Variants in LRRC7 observed in about 807,000 individuals in gnomAD.
The protein encoded by LRRC7 is leucine-rich repeat-containing protein 7.
LRRC7 carries 23 observed loss-of-function variants against 175.7 expected under a neutral mutation model. The observed-to-expected ratio is 0.13, with a 90% confidence interval of 0.09 to 0.19. LRRC7 has a LOEUF of 0.19. LRRC7 is among the 10% of genes least tolerant of loss of function. The probability of loss-of-function intolerance (pLI) is 1.00; values close to 1 mark genes in which losing one functional copy is unlikely to be tolerated. For synonymous variants in LRRC7, 685 were observed against 680.9 expected (o/e 1.01, Z -0.09); for missense variants, 1,354 against 1,904.7 (o/e 0.71, Z 5.38).
intron 26 of LRRC7, among the ~76,000 whole-genome samples, chr1:70,121,536 C>T (rs574689512): frequency 1.3e-5 from 2 of 152,066 alleles, no homozygotes; most frequent in South Asian, 4.2e-4. Flanking sequence ...TGTTATTGAC[C>T]AGGGTATCTT....
intron 11 of LRRC7, among the ~76,000 whole-genome samples, chr1:70,009,146 T>C (rs1656254038): frequency 6.6e-6 from 1 of 152,152 alleles, no homozygotes; most frequent in Non-Finnish European, 1.5e-5. Context: ...AATTATATTA[T>C]TTTCATTAAA....
intron 1 of LRRC7, among the ~76,000 whole-genome samples, chr1:69,586,454 T>A (rs1369157246): frequency 6.6e-6 from 1 of 152,114 alleles, no homozygotes; most frequent in Admixed American, 6.6e-5. Flanking sequence ...TCTTCCAGTC[T>A]TCAGGGTGTC....
intron 26 of LRRC7, among the ~76,000 whole-genome samples, chr1:70,111,622 T>G (rs982367257): frequency 6.6e-6 from 1 of 152,220 alleles, no homozygotes; most frequent in Non-Finnish European, 1.5e-5. Flanking sequence ...TCATTATACA[T>G]TTTATGATTC....
intron 2 of LRRC7, among the ~76,000 whole-genome samples, chr1:69,739,202 C>G (rs1259273626): frequency 6.6e-6 from 1 of 152,000 alleles, no homozygotes; most frequent in Non-Finnish European, 1.5e-5. Context: ...ATATTCTTCT[C>G]TGACTTAGAA....
chr1:69,663,609 C>G (rs1657804882), intron 1 of LRRC7, among the ~76,000 whole-genome samples: 1 of 151,664 alleles, frequency 6.6e-6, no homozygotes, highest in South Asian at 2.1e-4. Context: ...CCCATTAGCC[C>G]TCCCTACCTC....
At chr1:69,718,649 T>C (rs1666013382) in intron 2 of LRRC7, among the ~76,000 whole-genome samples, 1 of 151,782 alleles carries the variant, frequency 6.6e-6, no homozygotes, top group Admixed American at 6.6e-5. Flanking sequence ...TTGCCACAGA[T>C]AGAACTTTTA....
At position 70,023,112 on chromosome 1, in the gene LRRC7, T is replaced by A. The variant is rs890173691; in HGVS notation, c.1546-14T>A. The A allele has an allele frequency of 1.2e-5, 16 of 1,388,286 alleles. No individual in the cohort carries two copies. The highest frequency in any genetic ancestry group is 1.5e-5 in the Non-Finnish European group (16 of 1,059,226). 86.0% of individuals were successfully genotyped at this position (1,388,286 alleles called of 1,614,324 possible). On this transcript the variant is annotated splice_polypyrimidine_tract_variant and intron_variant, in intron 16 of 26. Coordinates refer to ENST00000651989, the MANE Select transcript of LRRC7 (RefSeq NM_001370785.2). ...CCTCTTTCTCCCAGAAAATGGAGATTCCTTCTCCCACAGGATCTCTCCTGC... is the reference window on the plus strand; with the variant it reads ...CCTCTTTCTCCCAGAAAATGGAGATACCTTCTCCCACAGGATCTCTCCTGC...
intron 26 of LRRC7, among the ~76,000 whole-genome samples, chr1:70,110,014 G>T (rs1665414661): frequency 6.6e-6 from 1 of 152,096 alleles, no homozygotes; most frequent in Non-Finnish European, 1.5e-5. Context: ...TTTCCCTTTT[G>T]CTAGAATTCA....
intron 11 of LRRC7, among the ~76,000 whole-genome samples, chr1:69,998,627 T>C (rs564000268): frequency 7.2e-4 from 109 of 152,316 alleles, no homozygotes; most frequent in Non-Finnish European, 1.1e-3. Context: ...GAATTCAACT[T>C]CTTTTATCCC....
At chr1:70,086,351 T>C (rs1243695126) in intron 24 of LRRC7, among the ~76,000 whole-genome samples, 7 of 152,098 alleles carry the variant, frequency 4.6e-5, no homozygotes, top group African/African-American at 1.4e-4. Context: ...GTATTGTAAT[T>C]AGAGTAAGAT....
intron 2 of LRRC7, among the ~76,000 whole-genome samples, chr1:69,711,221 T>A (rs990249843): frequency 6.6e-6 from 1 of 152,202 alleles, no homozygotes; most frequent in African/African-American, 2.4e-5. Context: ...TGTGGCTGTT[T>A]AAAATTTCTG....
At chr1:69,947,699 C>G in intron 8 of LRRC7, among the ~76,000 whole-genome samples, 1 of 151,992 alleles carries the variant, frequency 6.6e-6, no homozygotes, top group East Asian at 1.9e-4. Flanking sequence ...ACAATATTCC[C>G]CCTTTATCTG....
chr1:69,608,471 AG>A (rs1648014453), intron 1 of LRRC7, among the ~76,000 whole-genome samples: 2 of 152,142 alleles, frequency 1.3e-5, no homozygotes, highest in East Asian at 3.9e-4. Context: ...GCTGGCTGAG[AG>A]GTAGTCACAT....
chr1:69,885,531 C>T (rs1421717563), intron 7 of LRRC7, among the ~76,000 whole-genome samples: 1 of 139,616 alleles, frequency 7.2e-6, no homozygotes, highest in African/African-American at 3.0e-5. Context: ...GTCTTGCTAG[C>T]AGTCTATCAG....
At chr1:70,023,992 A>C (rs989839855) in intron 17 of LRRC7, among the ~76,000 whole-genome samples, 10 of 151,902 alleles carry the variant, frequency 6.6e-5, no homozygotes, top group African/African-American at 2.4e-4. Flanking sequence ...TAATGGGGGG[A>C]AAAACATGTC....
At position 69,838,728 on chromosome 1, in the gene LRRC7, C is replaced by T. The variant is rs544031672; in HGVS notation, c.647+445C>T. Among the ~76,000 whole-genome samples the T allele has an allele frequency of 3.1e-4, 47 of 151,892 alleles. No homozygotes were observed. The South Asian group carries it at 8.9e-3, about 29-fold the overall frequency. On this transcript the variant is annotated intron_variant, in intron 7 of 26. Transcript: ENST00000651989. ...AAAAGATTAAAATTTTTCAAGAGAT[C>T]GTAAAGTGGTTTAGGTAGAAGTTAT...
intron 4 of LRRC7, among the ~76,000 whole-genome samples, chr1:69,800,454 C>A (rs1676338176): frequency 6.6e-6 from 1 of 151,764 alleles, no homozygotes; most frequent in Non-Finnish European, 1.5e-5. Flanking sequence ...TACAGATATT[C>A]CACCTCCATG....
rs543127964 is a variant in LRRC7 at position 70,081,255 on chromosome 1, G to T, written c.4452+4957G>T. ...CACTATTTAAAAGCATACATAAGTT[G>T]CCCATAAGCTGTTGGATATTTTTAA... is the stretch of plus-strand genomic sequence containing the variant. On this transcript the variant is annotated intron_variant, in intron 24 of 26. Transcript: ENST00000651989. 2.0e-5 allele frequency among the ~76,000 whole-genome samples: 3 copies of T among 152,260 alleles called. No homozygotes were observed. In the South Asian group the frequency reaches 6.2e-4, roughly 32 times the overall value.
chr1:70,007,675 GAATT>G (rs1301116444), intron 11 of LRRC7, among the ~76,000 whole-genome samples: 1 of 152,102 alleles, frequency 6.6e-6, no homozygotes, highest in African/African-American at 2.4e-5. Flanking sequence ...TTGCATTAAT[GAATT>G]GTCATGTTCC....
Sources: gnomAD v4.1 joint callset for allele counts (sites outside exome capture counted in the v4.1 genomes callset) on GRCh38, gnomAD v4.1.1 for gene constraint, MANE v1.5 for transcripts, NCBI Gene and HGNC (gene_info 2026-07-23, HGNC 2026-07-21) for gene names.